The following PPP2R2B variants were observed in gnomAD, a reference collection of about 807,000 sequenced individuals.
The protein encoded by PPP2R2B is protein phosphatase 2 regulatory subunit Bbeta, also known as serine/threonine-protein phosphatase 2A 55 kDa regulatory subunit B beta isoform.
In PPP2R2B, 5 loss-of-function variants were observed where a neutral mutation model predicts 46.0. That is an observed-to-expected ratio of 0.11 (90% CI 0.06 to 0.23). PPP2R2B has a LOEUF of 0.23. PPP2R2B is among the 10% of genes least tolerant of loss of function. PPP2R2B has a pLI of 1.00. For missense variants in PPP2R2B, 367 were observed against 575.0 expected (o/e 0.64, Z 3.70); for synonymous variants, 215 against 206.7 (o/e 1.04, Z -0.34).
chr5:146,705,580 G>A (rs1274540712), intron 2 of PPP2R2B, among the ~76,000 whole-genome samples: 1 of 152,122 alleles, frequency 6.6e-6, no homozygotes, highest in Non-Finnish European at 1.5e-5. Context: ...AATTACAGTT[G>A]TTCCTCCCAT....
At chr5:146,977,539 C>A (rs900795366) in intron 1 of PPP2R2B, among the ~76,000 whole-genome samples, 1 of 152,100 alleles carries the variant, frequency 6.6e-6, no homozygotes, top group Non-Finnish European at 1.5e-5. Context: ...CCCCACCCAC[C>A]AATAGGCCCT....
intron 2 of PPP2R2B, among the ~76,000 whole-genome samples, chr5:146,866,156 T>A (rs1561971501): frequency 1.3e-5 from 2 of 152,194 alleles, no homozygotes; most frequent in Non-Finnish European, 2.9e-5. Context: ...TCTGACCCTC[T>A]ACAGGAAGAG....
chr5:146,849,694 A>G (rs1233512426), intron 2 of PPP2R2B, among the ~76,000 whole-genome samples: 1 of 152,190 alleles, frequency 6.6e-6, no homozygotes, highest in Non-Finnish European at 1.5e-5. Flanking sequence ...AGGGAAAATG[A>G]CAGTAATACA....
chr5:146,638,764 T>A (rs1361011907), intron 6 of PPP2R2B, among the ~76,000 whole-genome samples: 1 of 152,242 alleles, frequency 6.6e-6, no homozygotes, highest in Non-Finnish European at 1.5e-5. Context: ...CTTCTCATTT[T>A]ATAATAATGA....
chr5:146,737,320 G>C (rs1376696017), intron 2 of PPP2R2B, among the ~76,000 whole-genome samples: 1 of 151,858 alleles, frequency 6.6e-6, no homozygotes, highest in African/African-American at 2.4e-5. Flanking sequence ...TGGGCATTTT[G>C]ATACATATTA....
In PPP2R2B at chr5:146,697,988, A is replaced by G. The variant is rs1428276129; in HGVS notation, c.325T>C (p.Ser109Pro). 1 of 1,611,272 alleles carries G rather than the reference A, an allele frequency of 6.2e-7. No homozygotes were observed. The stretch of plus-strand genomic sequence containing the variant: ...CAGGAATTCCACCTACCATTAGTAG[A>G]CAGAAGAAAGTAAGCTGCATTCTGC... ...PQQNAAYFLL[S>P]TNDKTVKLWK... Residue 109 changes from serine (S) to proline (P), a missense_variant, in exon 4 of 10, where the codon TCT becomes CCT. Transcript: ENST00000394411.
chr5:146,685,381 C>G (rs964052291), intron 5 of PPP2R2B, among the ~76,000 whole-genome samples: 2 of 152,242 alleles, frequency 1.3e-5, no homozygotes, highest in African/African-American at 2.4e-5. Flanking sequence ...GGACATCAAA[C>G]AACTGCGCCC....
At chr5:146,695,866 C>G (rs553062405) in intron 4 of PPP2R2B, among the ~76,000 whole-genome samples, 1 of 152,114 alleles carries the variant, frequency 6.6e-6, no homozygotes, top group South Asian at 2.1e-4. Context: ...GGATTCTCAA[C>G]CTCAATATTA....
chr5:146,890,939 G>A (rs1762474214), intron 1 of PPP2R2B, among the ~76,000 whole-genome samples: 1 of 152,116 alleles, frequency 6.6e-6, no homozygotes, highest in African/African-American at 2.4e-5. Flanking sequence ...GACTCATTAT[G>A]TCTATTTCAC....
intron 7 of PPP2R2B, 146 bp from the exon 8 acceptor site, chr5:146,600,606 T>C: frequency 1.3e-6 from 1 of 764,626 alleles, no homozygotes; most frequent in East Asian, 2.7e-5. Context: ...AATAGAGAAC[T>C]GTCATCTCTC....
chr5:146,876,675 G>T (rs892987741), intron 2 of PPP2R2B, among the ~76,000 whole-genome samples: 2 of 152,188 alleles, frequency 1.3e-5, no homozygotes, highest in African/African-American at 4.8e-5. Context: ...CCATCTCTAA[G>T]CTCCTGGAAG....
intron 2 of PPP2R2B, among the ~76,000 whole-genome samples, chr5:146,842,491 T>A (rs904541523): frequency 5.5e-4 from 83 of 152,008 alleles, no homozygotes; most frequent in Admixed American, 1.6e-3. Flanking sequence ...CTTTTTTTTT[T>A]TTTTTTTTAA....
chr5:146,996,115 A>AG (rs1280334031), intron 1 of PPP2R2B, among the ~76,000 whole-genome samples: 2 of 152,310 alleles, frequency 1.3e-5, no homozygotes, highest in South Asian at 2.1e-4. Context: ...ATGTGTGTAC[A>AG]GGTGTGCTCA....
chr5:146,681,378 C>T (rs1006304639), intron 5 of PPP2R2B, among the ~76,000 whole-genome samples: 3 of 152,100 alleles, frequency 2.0e-5, no homozygotes, highest in Non-Finnish European at 4.4e-5. Flanking sequence ...GTGTTGTATG[C>T]CATGTACATG....
At chr5:146,628,482 C>T (rs956082512) in intron 7 of PPP2R2B, among the ~76,000 whole-genome samples, 3 of 152,130 alleles carry the variant, frequency 2.0e-5, no homozygotes, top group African/African-American at 7.2e-5. Context: ...GCAGGGCAGC[C>T]CCATCGCTAC....
intron 2 of PPP2R2B, among the ~76,000 whole-genome samples, chr5:146,864,435 G>A (rs981425837): frequency 6.0e-4 from 75 of 125,540 alleles, no homozygotes; most frequent in South Asian, 3.5e-3. Context: ...ACAGCTTTCC[G>A]AAATGTCAAA....
intron 5 of PPP2R2B, among the ~76,000 whole-genome samples, chr5:146,677,627 A>G (rs1181121697): frequency 7.1e-6 from 1 of 141,466 alleles, no homozygotes; most frequent in Non-Finnish European, 1.5e-5. Context: ...CACCAGGCTC[A>G]AGTAGTTCTC....
chr5:146,999,183 G>A (rs1022592162), intron 1 of PPP2R2B, among the ~76,000 whole-genome samples: 1 of 152,100 alleles, frequency 6.6e-6, no homozygotes, highest in African/African-American at 2.4e-5. Flanking sequence ...TGGACTCAGT[G>A]ATAAGCAAAA....
intron 1 of PPP2R2B, among the ~76,000 whole-genome samples, chr5:146,957,751 A>G (rs1304221958): frequency 1.3e-5 from 2 of 152,228 alleles, no homozygotes; most frequent in East Asian, 3.9e-4. Flanking sequence ...TGGTAACACT[A>G]TATCTTGAAT....
Sources: gnomAD v4.1 joint callset for allele counts (sites outside exome capture counted in the v4.1 genomes callset) on GRCh38, gnomAD v4.1.1 for gene constraint, MANE v1.5 for transcripts, NCBI Gene and HGNC (gene_info 2026-07-23, HGNC 2026-07-21) for gene names.